The following KLHDC7B variants were observed in gnomAD, a reference collection of about 807,000 sequenced individuals.
KLHDC7B encodes kelch domain containing 7B.
KLHDC7B carries 1 observed loss-of-function variant against 0.6 expected under a neutral mutation model. That is an observed-to-expected ratio of 1.71 (90% CI 0.61 to 8.11). The LOEUF (loss-of-function observed/expected upper bound fraction) is 8.11. Ranked by LOEUF, KLHDC7B falls within the 30% of genes most tolerant of loss-of-function variation. KLHDC7B has a pLI of 0.13. For missense variants in KLHDC7B, 993 were observed against 894.9 expected, an observed-to-expected ratio of 1.11 and a Z score of -1.40; for synonymous variants, 462 against 405.2, an observed-to-expected ratio of 1.14 and a Z score of -1.68.
Position 50,549,134 on chromosome 22 carries a change from A to G in KLHDC7B, c.2891A>G (p.His964Arg), listed in dbSNP as rs2069772851. Residue 964 changes from histidine to arginine, a missense_variant, in exon 1 of 1, where the codon CAT (histidine) becomes CGT (arginine). Transcript: ENST00000648057. The stretch of plus-strand genomic sequence containing the variant: ...TCCCTGCCTCTACCTGCGCACCTGC[A>G]TGTGTTCAACCCCCGGGAGAACACC... ...PVSLPLPAHLHVFNPRENTWR... is the reference protein window; with the variant it reads ...PVSLPLPAHLRVFNPRENTWR... The G allele has an allele frequency of 6.2e-7, 1 of 1,603,166 alleles. No homozygotes were observed. Among genetic ancestry groups the G allele is most frequent in the African/African-American group, 1.3e-5 (1 of 75,016 alleles).
In KLHDC7B at chr22:50,548,318, C is replaced by T; in HGVS notation, c.2075C>T (p.Thr692Ile). 1 of 1,551,120 alleles carries T rather than the reference C, an allele frequency of 6.4e-7. No homozygotes were observed. Among genetic ancestry groups the T allele is most frequent in the Non-Finnish European group, 8.7e-7 (1 of 1,146,952 alleles). ...TCTTCAGTGGGGACAGTCATAGGGA[C>T]AGGTACAGGGGGCCTGGTTGAGGCT... ...PSSSVGTVIG[T>I]GTGGLVEAGG... The change falls in exon 1 of 1, where the codon ACA becomes ATA. Residue 692 changes from threonine (T) to isoleucine (I), a missense_variant. By Grantham distance (89) the Thr-to-Ile change is moderately conservative (BLOSUM62 -1). Coordinates refer to ENST00000648057, the MANE Select transcript of KLHDC7B (RefSeq NM_138433.5). The surrounding 1 kb of genome is among the most constrained non-coding windows in gnomAD (Gnocchi z 5.3).
chr22:50,549,748 G>GCCCC lies in KLHDC7B; in HGVS notation c.1584_1587dup (p.Ala530ProfsTer59). On this transcript the variant is annotated frameshift_variant, in exon 1 of 1. Coordinates refer to the KLHDC7B transcript ENST00000395676. LOFTEE classifies it low-confidence loss of function (END_TRUNC). ...CAGGGCTGCCTCCCTGCCCCTGCCCGCCCCCGCCCCACTGCACTGCACCAC... is the reference window on the plus strand; with the variant it reads ...CAGGGCTGCCTCCCTGCCCCTGCCCGCCCCCCCCCGCCCCACTGCACTGCACCAC... 12 of 1,447,212 alleles carry GCCCC rather than the reference G, an allele frequency of 8.3e-6. No individual in the cohort carries two copies. In the Admixed American group the frequency reaches 8.9e-5, roughly 11 times the overall value. The allele number at this position is 1,447,212 out of a possible 1,614,324, so 89.6% of individuals were successfully genotyped here. A position where few individuals can be genotyped will look rare whatever the true frequency, so the allele number is the denominator to read the frequency against.
rs778714608 is a variant in KLHDC7B, at chr22:50,549,660, C to T, written c.3417C>T (p.Phe1139=). ...IVALGGFLYR[F]DLLRGVGAAV... ...CACTGGGGGGCTTCCTGTACCGCTTCGACCTGCTGCGGGGCGTGGGCGCCG... is the reference window on the plus strand; with the variant it reads ...CACTGGGGGGCTTCCTGTACCGCTTTGACCTGCTGCGGGGCGTGGGCGCCG... The change falls in exon 1 of 1, where the codon TTC becomes TTT. Residue 1139 remains phenylalanine, a synonymous_variant. Coordinates refer to ENST00000648057, the MANE Select transcript of KLHDC7B (RefSeq NM_138433.5). 9.6e-6 allele frequency: 15 copies of T among 1,556,932 alleles called. No homozygotes were observed. Among genetic ancestry groups the T allele is most frequent in the African/African-American group, 2.7e-5 (2 of 73,778 alleles).
In KLHDC7B at chr22:50,548,649, G is replaced by C. The variant is rs751746227; in HGVS notation, c.2406G>C (p.Glu802Asp). The change falls in exon 1 of 1, where the codon GAG becomes GAC. Residue 802 changes from glutamate (E) to aspartate (D), a missense_variant. By Grantham distance (45) the Glu-to-Asp change is conservative. Coordinates refer to ENST00000648057, the MANE Select transcript of KLHDC7B (RefSeq NM_138433.5). This position sits in a 1 kb window ranked among gnomAD's most constrained non-coding sequence, Gnocchi z 5.3. ...ACCCTCAAGGGGAGGCGCCGGGGGA[G>C]GGGGGCAGCCCTGCCGGCCGCAGCG... ...SGDPQGEAPG[E>D]GGSPAGRSGA... 3 of 1,532,312 alleles carry C rather than the reference G, an allele frequency of 2.0e-6. No homozygotes were observed. The highest frequency in any genetic ancestry group is 2.6e-6 in the Non-Finnish European group (3 of 1,139,498). The allele number at this position is 1,532,312 out of a possible 1,614,324, so 94.9% of individuals were successfully genotyped here. A position where few individuals can be genotyped will look rare whatever the true frequency, so the allele number is the denominator to read the frequency against.
chr22:50,548,061 C>G lies in KLHDC7B; in HGVS notation c.1818C>G (p.Ala606=). 3.8e-6 allele frequency: 5 copies of G among 1,318,954 alleles called. No homozygotes were observed. The highest frequency in any genetic ancestry group is 4.8e-6 in the Non-Finnish European group (5 of 1,031,334). 81.7% of individuals were successfully genotyped at this position (1,318,954 alleles called of 1,614,324 possible). The change falls in exon 1 of 1, where the codon GCC becomes GCG. Residue 606 remains alanine (A), a synonymous_variant. Transcript: ENST00000648057. This position sits in a 1 kb window ranked among gnomAD's most constrained non-coding sequence, Gnocchi z 5.3. ...APTSAPTPTP[A]ASPAPADGSK... is the part of the protein sequence containing the mutation. ...CCTCAGCCCCAACCCCAACCCCAGC[C>G]GCATCCCCTGCCCCAGCTGACGGGT...
At position 50,549,743 on chromosome 22, in the gene KLHDC7B, T is replaced by TGGCC; in HGVS notation, c.1578_1579insGCCG (p.Pro527AlafsTer62). On this transcript the variant is annotated frameshift_variant, in exon 1 of 1. Coordinates refer to the KLHDC7B transcript ENST00000395676. LOFTEE classifies it low-confidence loss of function (END_TRUNC). ...TGGAGCAGGGCTGCCTCCCTGCCCC[T>TGGCC]GCCCGCCCCCGCCCCACTGCACTGC... The TGGCC allele has an allele frequency of 7.1e-7, 1 of 1,408,968 alleles. No individual in the cohort carries two copies. The highest frequency in any genetic ancestry group is 9.8e-7 in the Non-Finnish European group (1 of 1,020,892). 87.3% of individuals were successfully genotyped at this position (1,408,968 alleles called of 1,614,324 possible).
In KLHDC7B at chr22:50,546,890, C is replaced by A. The variant is rs981201735; in HGVS notation, c.647C>A (p.Ala216Glu). ...CAACAGGACACTGGCCCCTGGCAGG[C>A]GGGCGCGGGGCCCTCGGGCTCGATG... ...AGQQDTGPWQ[A>E]GAGPSGSMGR... Residue 216 changes from alanine (A) to glutamate (E), a missense_variant, in exon 1 of 1, where the codon GCG becomes GAG. Transcript: ENST00000648057. Among the ~76,000 whole-genome samples, 2 of 151,950 alleles carry A rather than the reference C, an allele frequency of 1.3e-5. No individual in the cohort carries two copies. The highest frequency in any genetic ancestry group is 2.9e-5 in the Non-Finnish European group (2 of 67,916).
chr22:50,549,436 C>A lies in KLHDC7B; in HGVS notation c.3193C>A (p.Arg1065=). Residue 1065 remains arginine, a synonymous_variant, in exon 1 of 1, where the codon CGA becomes AGA. Transcript: ENST00000648057. The stretch of plus-strand genomic sequence containing the variant: ...GTACAGCATGGAGTGCTACGACCCG[C>A]GAACAGACGCCTGGACCCCACGCGC... ...CLYSMECYDP[R]TDAWTPRAPL... 1 of 1,612,700 alleles carries A rather than the reference C, an allele frequency of 6.2e-7. No individual in the cohort carries two copies. The highest frequency in any genetic ancestry group is 1.3e-5 in the African/African-American group (1 of 75,058).
rs896351351 is a variant in KLHDC7B, at chr22:50,547,217, G to C, written c.974G>C (p.Gly325Ala). Reference sequence around the variant, plus strand: ...TCGGGGGTCCCTGCCCCCGGAGGAGGCTGGCCCTGGGTCAGCAGGGAGGTC... The same window carrying C: ...TCGGGGGTCCCTGCCCCCGGAGGAGCCTGGCCCTGGGTCAGCAGGGAGGTC... ...EASGVPAPGG[G>A]WPWVSREVPG... Residue 325 changes from glycine (G) to alanine (A), a missense_variant, in exon 1 of 1, where the codon GGC becomes GCC. Gly to Ala is a moderately conservative substitution (Grantham distance 60). Transcript: ENST00000648057. Among the ~76,000 whole-genome samples, 2 of 151,946 alleles carry C rather than the reference G, an allele frequency of 1.3e-5. No individual in the cohort carries two copies. The highest frequency in any genetic ancestry group is 2.4e-5 in the African/African-American group (1 of 41,390).
rs773502147 is a variant in KLHDC7B, at chr22:50,549,184, G to A, written c.2941G>A (p.Glu981Lys). The A allele has an allele frequency of 8.7e-6, 14 of 1,605,908 alleles. No homozygotes were observed. Among genetic ancestry groups the A allele is most frequent in the Non-Finnish European group, 1.1e-5 (13 of 1,179,714 alleles). Residue 981 changes from glutamate (E) to lysine (K), a missense_variant, in exon 1 of 1, where the codon GAG becomes AAG. By Grantham distance (56) the Glu-to-Lys change is moderately conservative (BLOSUM62 1). Transcript: ENST00000648057. ...NTWRPLTQVP[E>K]EAPLRGCGLC... Reference sequence around the variant, plus strand: ...CTGGCGGCCCCTGACCCAGGTGCCCGAGGAGGCCCCGCTTCGGGGCTGCGG... The same window carrying A: ...CTGGCGGCCCCTGACCCAGGTGCCCAAGGAGGCCCCGCTTCGGGGCTGCGG...
Position 50,548,622 on chromosome 22 carries a change from G to A in KLHDC7B, c.2379G>A (p.Gly793=), listed in dbSNP as rs903008787. 42 of 1,542,202 alleles carry A rather than the reference G, an allele frequency of 2.7e-5. No individual in the cohort carries two copies. The highest frequency in any genetic ancestry group is 3.2e-5 in the Non-Finnish European group (37 of 1,144,666). ...AGGAGGTCAGGCCGGCCGCCTCGGGGGACCCTCAAGGGGAGGCGCCGGGGG... is the reference window on the plus strand; with the variant it reads ...AGGAGGTCAGGCCGGCCGCCTCGGGAGACCCTCAAGGGGAGGCGCCGGGGG... The part of the protein sequence containing the change: ...SEQEVRPAAS[G]DPQGEAPGEG... The change falls in exon 1 of 1, where the codon GGG becomes GGA. Residue 793 remains glycine (G), a synonymous_variant. Coordinates refer to ENST00000648057, the MANE Select transcript of KLHDC7B (RefSeq NM_138433.5). The surrounding 1 kb of genome is among the most constrained non-coding windows in gnomAD (Gnocchi z 5.3).
rs1169064053 is a variant in KLHDC7B at position 50,547,112 on chromosome 22, C to G, written c.869C>G (p.Ala290Gly). ...PPLAQEPALP[A>G]LPAPRALQPG... is the part of the protein sequence containing the mutation. Reference sequence around the variant, plus strand: ...CTCGCCCAGGAGCCCGCACTCCCGGCGCTGCCCGCTCCCCGCGCCCTGCAG... The same window carrying G: ...CTCGCCCAGGAGCCCGCACTCCCGGGGCTGCCCGCTCCCCGCGCCCTGCAG... Residue 290 changes from alanine (A) to glycine (G), a missense_variant, in exon 1 of 1, where the codon GCG (alanine) becomes GGG (glycine). Physicochemically the swap from Ala to Gly is moderately conservative, Grantham distance 60. Coordinates refer to ENST00000648057, the MANE Select transcript of KLHDC7B (RefSeq NM_138433.5). 1.3e-5 allele frequency among the ~76,000 whole-genome samples: 2 copies of G among 151,762 alleles called. No individual in the cohort carries two copies. Among genetic ancestry groups the G allele is most frequent in the African/African-American group, 2.4e-5 (1 of 41,346 alleles).
Position 50,546,988 on chromosome 22 carries a change from G to T in KLHDC7B, c.745G>T (p.Asp249Tyr), listed in dbSNP as rs1046803974. 8.6e-5 allele frequency among the ~76,000 whole-genome samples: 13 copies of T among 151,554 alleles called. No individual in the cohort carries two copies. The highest frequency in any genetic ancestry group is 3.1e-4 in the African/African-American group (13 of 41,354). Reference protein sequence around the residue: ...GDRARRPRKLDPLRLGAAGSV... With the variant: ...GDRARRPRKLYPLRLGAAGSV... ...CAGAGCCCGCCGCCCCCGGAAACTG[G>T]ACCCGCTCCGCCTGGGCGCCGCGGG... Residue 249 changes from aspartate to tyrosine, a missense_variant, in exon 1 of 1, where the codon GAC becomes TAC. By Grantham distance (160) the Asp-to-Tyr change is radical. Transcript: ENST00000648057.
rs373321869 is a variant in KLHDC7B at position 50,549,257 on chromosome 22, G to T, written c.3014G>T (p.Gly1005Val). The T allele has an allele frequency of 1.1e-4, 173 of 1,610,568 alleles. No individual in the cohort carries two copies. The highest frequency in any genetic ancestry group is 1.4e-4 in the Non-Finnish European group (166 of 1,179,952). ...CTGTTTCTGGCGGGGGGCATCCGTGGCTCCGGTGCCAAGGCCGTCTGCTCC... is the reference window on the plus strand; with the variant it reads ...CTGTTTCTGGCGGGGGGCATCCGTGTCTCCGGTGCCAAGGCCGTCTGCTCC... ...NYLFLAGGIR[G>V]SGAKAVCSNE... Residue 1005 changes from glycine to valine, a missense_variant, in exon 1 of 1, where the codon GGC becomes GTC. Coordinates refer to ENST00000648057, the MANE Select transcript of KLHDC7B (RefSeq NM_138433.5).
rs2069756782 is a variant in KLHDC7B at position 50,548,302 on chromosome 22, G to A, written c.2059G>A (p.Gly687Arg). The A allele has an allele frequency of 1.9e-6, 3 of 1,551,040 alleles. No homozygotes were observed. Among genetic ancestry groups the A allele is most frequent in the East Asian group, 4.9e-5 (2 of 40,900 alleles). Reference protein sequence around the residue: ...EDRHGPSSSVGTVIGTGTGGL... With the variant: ...EDRHGPSSSVRTVIGTGTGGL... ...CAGACACGGCCCCTCTTCTTCAGTG[G>A]GGACAGTCATAGGGACAGGTACAGG... Residue 687 changes from glycine to arginine, a missense_variant, in exon 1 of 1, where the codon GGG becomes AGG. By Grantham distance (125) the Gly-to-Arg change is moderately radical (BLOSUM62 -2). Coordinates refer to ENST00000648057, the MANE Select transcript of KLHDC7B (RefSeq NM_138433.5). The surrounding 1 kb of genome is among the most constrained non-coding windows in gnomAD (Gnocchi z 5.3).
Position 50,550,050 on chromosome 22 carries a change from AAC to A in KLHDC7B, c.*100_*101del. 3 of 1,235,190 alleles carry A rather than the reference AAC, an allele frequency of 2.4e-6. No individual in the cohort carries two copies. The East Asian group carries it at 8.0e-5, about 33-fold the overall frequency. 76.5% of individuals were successfully genotyped at this position (1,235,190 alleles called of 1,614,324 possible). Reference sequence around the variant, plus strand: ...GGCTCAGGGAAGGGGCTGGGATCGGAACTTCCTGCTCTTGTTTCTGGACAACT... The same window carrying A: ...GGCTCAGGGAAGGGGCTGGGATCGGATTCCTGCTCTTGTTTCTGGACAACT... On this transcript the variant is annotated 3_prime_UTR_variant, in exon 1 of 1. Transcript: ENST00000648057.
rs763759553 is a variant in KLHDC7B, at chr22:50,549,149, G to C, written c.2906G>C (p.Arg969Pro). Reference protein sequence around the residue: ...LPAHLHVFNPRENTWRPLTQV... With the variant: ...LPAHLHVFNPPENTWRPLTQV... ...GCGCACCTGCATGTGTTCAACCCCCGGGAGAACACCTGGCGGCCCCTGACC... is the reference window on the plus strand; with the variant it reads ...GCGCACCTGCATGTGTTCAACCCCCCGGAGAACACCTGGCGGCCCCTGACC... Residue 969 changes from arginine (R) to proline (P), a missense_variant, in exon 1 of 1, where the codon CGG becomes CCG. Arg to Pro is a moderately radical substitution (Grantham distance 103). Coordinates refer to ENST00000648057, the MANE Select transcript of KLHDC7B (RefSeq NM_138433.5). 1.0e-5 allele frequency: 16 copies of C among 1,603,962 alleles called. No individual in the cohort carries two copies. The highest frequency in any genetic ancestry group is 1.3e-5 in the African/African-American group (1 of 74,932).
rs1413929916 is a variant in KLHDC7B at position 50,548,637 on chromosome 22, G to C, written c.2394G>C (p.Glu798Asp). Residue 798 changes from glutamate to aspartate, a missense_variant, in exon 1 of 1, where the codon GAG becomes GAC. Physicochemically the swap from Glu to Asp is conservative, Grantham distance 45. Transcript: ENST00000648057. The surrounding 1 kb of genome is among the most constrained non-coding windows in gnomAD (Gnocchi z 5.3). ...CCGCCTCGGGGGACCCTCAAGGGGA[G>C]GCGCCGGGGGAGGGGGGCAGCCCTG... Reference protein sequence around the residue: ...RPAASGDPQGEAPGEGGSPAG... With the variant: ...RPAASGDPQGDAPGEGGSPAG... The C allele has an allele frequency of 6.5e-6, 10 of 1,533,778 alleles. No homozygotes were observed. In the South Asian group the frequency reaches 1.2e-4, roughly 18 times the overall value.
chr22:50,548,283 C>T lies in KLHDC7B; in HGVS notation c.2040C>T (p.His680=), dbSNP rs879095584. ...CTTCCACACACTCTGAGGACAGACA[C>T]GGCCCCTCTTCTTCAGTGGGGACAG... is the stretch of plus-strand genomic sequence containing the variant. ...PSTSTHSEDR[H]GPSSSVGTVI... The change falls in exon 1 of 1, where the codon CAC becomes CAT. Residue 680 remains histidine (H), a synonymous_variant. Coordinates refer to ENST00000648057, the MANE Select transcript of KLHDC7B (RefSeq NM_138433.5). This position sits in a 1 kb window ranked among gnomAD's most constrained non-coding sequence, Gnocchi z 5.3. The T allele has an allele frequency of 5.2e-6, 8 of 1,551,140 alleles. No individual in the cohort carries two copies. Among genetic ancestry groups the T allele is most frequent in the African/African-American group, 1.4e-5 (1 of 73,124 alleles).
Sources: allele counts gnomAD v4.1 joint callset (sites outside exome capture counted in the v4.1 genomes callset), GRCh38; gene constraint gnomAD v4.1.1; non-coding constraint Gnocchi (gnomAD v3.1); transcripts MANE v1.5; gene names NCBI Gene and HGNC (gene_info 2026-07-23, HGNC 2026-07-21).